Variants in SIPA1L3 observed in about 807,000 individuals in gnomAD.
The protein encoded by SIPA1L3 is signal induced proliferation associated 1 like 3.
Under a neutral mutation model 150.1 loss-of-function variants are expected in SIPA1L3, and 59 were observed. The observed-to-expected ratio is 0.39, with a 90% CI of 0.32 to 0.49. The LOEUF (loss-of-function observed/expected upper bound fraction) is 0.49, where lower values mean the gene tolerates loss of function less well. SIPA1L3 is among the 20% of genes least tolerant of loss of function. The pLI is 0.86. For synonymous variants in SIPA1L3, 1,070 were observed against 1,077.6 expected (o/e 0.99, Z 0.14); for missense variants, 2,211 against 2,489.5 (o/e 0.89, Z 2.38).
intron 12 of SIPA1L3, among the ~76,000 whole-genome samples, chr19:38,145,846 A>G (rs1971693215): frequency 6.7e-6 from 1 of 148,596 alleles, no homozygotes; most frequent in Admixed American, 6.7e-5. Context: ...ACCATTCACC[A>G]TTCATCTGTT....
rs140271652 is a variant in SIPA1L3, at chr19:37,988,547, G to A, written c.-378-40542G>A. Among the ~76,000 whole-genome samples, 823 of 152,116 alleles carry A rather than the reference G, an allele frequency of 5.4e-3. 2 individuals are homozygous for A. The highest frequency in any genetic ancestry group is 9.2e-3 in the Admixed American group (141 of 15,272). On this transcript the variant is annotated intron_variant, in intron 1 of 21. Coordinates refer to ENST00000222345, the MANE Select transcript of SIPA1L3 (RefSeq NM_015073.3). ...AGAAATGAGCCAGACATGGTGGTGG[G>A]CACCTGTAATCCTAGCTACTCGGGA... is the stretch of plus-strand genomic sequence containing the variant.
intron 1 of SIPA1L3, among the ~76,000 whole-genome samples, chr19:37,984,167 G>A (rs1399362954): frequency 6.6e-6 from 1 of 152,182 alleles, no homozygotes; most frequent in Non-Finnish European, 1.5e-5. Context: ...GCGGGGCAGC[G>A]AGGCGGTTAA....
At chr19:38,130,288 C>T (rs1410001970) in intron 9 of SIPA1L3, among the ~76,000 whole-genome samples, 2 of 152,198 alleles carry the variant, frequency 1.3e-5, no homozygotes, top group Non-Finnish European at 2.9e-5. Flanking sequence ...GCCACGGGGT[C>T]GCATATCCAC....
chr19:37,963,725 A>G (rs2046879463), intron 1 of SIPA1L3: 1 of 152,218 alleles, frequency 6.6e-6, no homozygotes, highest in Admixed American at 6.5e-5. Flanking sequence ...AATTCTGTCT[A>G]CTTTCATTGT....
chr19:38,063,545 C>T (rs928742472), intron 2 of SIPA1L3, among the ~76,000 whole-genome samples: 1 of 152,242 alleles, frequency 6.6e-6, no homozygotes, highest in Non-Finnish European at 1.5e-5. Flanking sequence ...CAGATGCGGT[C>T]TTAGCAGGTT....
rs1349248661 is a variant in SIPA1L3, at chr19:38,082,223, G to C, written c.658G>C (p.Asp220His). 1 of 1,602,334 alleles carries C rather than the reference G, an allele frequency of 6.2e-7. No homozygotes were observed. The highest frequency in any genetic ancestry group is 1.7e-5 in the Admixed American group (1 of 60,020). The change falls in exon 3 of 22, where the codon GAC becomes CAC. Residue 220 changes from aspartate (D) to histidine (H), a missense_variant. Coordinates refer to ENST00000222345, the MANE Select transcript of SIPA1L3 (RefSeq NM_015073.3). ...GGGCATGCCCGAGCAGAGCTTCTTC[G>C]ACATCCTGAACGAGTTCCGCAGCGA... ...VQGMPEQSFF[D>H]ILNEFRSEQP...
At chr19:38,020,414 G>T (rs1483801677) in intron 1 of SIPA1L3, among the ~76,000 whole-genome samples, 1 of 152,140 alleles carries the variant, frequency 6.6e-6, no homozygotes, top group Non-Finnish European at 1.5e-5. Flanking sequence ...CTGATTAGCT[G>T]GGGTCTGGAG....
At chr19:38,041,461 T>C (rs1219256055) in intron 2 of SIPA1L3, among the ~76,000 whole-genome samples, 1 of 151,842 alleles carries the variant, frequency 6.6e-6, no homozygotes, top group Non-Finnish European at 1.5e-5. Flanking sequence ...GTATTTTTAG[T>C]AGAGATGTGG....
chr19:37,937,388 C>G (rs2046609822), intron 1 of SIPA1L3, among the ~76,000 whole-genome samples: 1 of 152,014 alleles, frequency 6.6e-6, no homozygotes, highest in Non-Finnish European at 1.5e-5. Flanking sequence ...CAGAAGTGAC[C>G]ACCATCTTGA....
At chr19:37,997,615 TC>T (rs1967671191) in intron 1 of SIPA1L3, among the ~76,000 whole-genome samples, 1 of 130,884 alleles carries the variant, frequency 7.6e-6, no homozygotes, top group South Asian at 2.5e-4. Flanking sequence ...ATGCCTGTAA[TC>T]CCAGCACTTC....
At chr19:38,031,881 C>T (rs1270853354) in intron 2 of SIPA1L3, among the ~76,000 whole-genome samples, 5 of 152,236 alleles carry the variant, frequency 3.3e-5, no homozygotes, top group Admixed American at 6.5e-5. Context: ...GCCCAGGATG[C>T]GGAGATTGCA....
chr19:38,050,168 A>C (rs1391160182), intron 2 of SIPA1L3, among the ~76,000 whole-genome samples: 2 of 152,258 alleles, frequency 1.3e-5, no homozygotes, highest in Non-Finnish European at 2.9e-5. Context: ...CATTTAAGAC[A>C]GTGCTGGCTG....
At chr19:38,074,188 G>T (rs1969785354) in intron 2 of SIPA1L3, among the ~76,000 whole-genome samples, 1 of 152,200 alleles carries the variant, frequency 6.6e-6, no homozygotes, top group South Asian at 2.1e-4. Context: ...GTGCCACTCA[G>T]CCTCTGAATG....
chr19:38,163,505 A>C (rs552255900), intron 14 of SIPA1L3, among the ~76,000 whole-genome samples: 117 of 151,704 alleles, frequency 7.7e-4, no homozygotes, highest in African/African-American at 2.6e-3. Context: ...AAAAAAAAAA[A>C]AAAAAACAGT....
chr19:38,085,324 C>T (rs2145831286), intron 3 of SIPA1L3, among the ~76,000 whole-genome samples: 1 of 151,722 alleles, frequency 6.6e-6, no homozygotes, highest in East Asian at 2.0e-4. Context: ...ACTAAAAATA[C>T]AAAAAATTAG....
At chr19:38,155,537 T>C (rs998315133) in intron 13 of SIPA1L3, among the ~76,000 whole-genome samples, 1 of 152,172 alleles carries the variant, frequency 6.6e-6, no homozygotes, top group African/African-American at 2.4e-5. Context: ...TGTAGCCCCT[T>C]TGAAGTCTGA....
At chr19:38,008,088 T>A (rs900499151) in intron 1 of SIPA1L3, among the ~76,000 whole-genome samples, 21 of 152,130 alleles carry the variant, frequency 1.4e-4, no homozygotes. Context: ...GTTATCCTCC[T>A]ATTGCAGATG....
intron 19 of SIPA1L3, among the ~76,000 whole-genome samples, chr19:38,199,608 G>GGT (rs1175897258): frequency 6.6e-6 from 1 of 152,128 alleles, no homozygotes; most frequent in Non-Finnish European, 1.5e-5. Context: ...AAGGTTACGG[G>GGT]GGAGAGGGGG....
chr19:38,164,670 C>T lies in SIPA1L3; in HGVS notation c.3972C>T (p.Ser1324=), dbSNP rs143589666. 14 of 1,614,036 alleles carry T rather than the reference C, an allele frequency of 8.7e-6. No homozygotes were observed. Among genetic ancestry groups the T allele is most frequent in the Non-Finnish European group, 1.2e-5 (14 of 1,180,018 alleles). The change falls in exon 15 of 22, where the codon TCC becomes TCT. Residue 1324 remains serine (S), a synonymous_variant. Transcript: ENST00000222345. The surrounding 1 kb of genome is among the most constrained non-coding windows in gnomAD (Gnocchi z 4.1). The stretch of plus-strand genomic sequence containing the variant: ...ACACCTCCAGCCCTAGCTGCATGTC[C>T]CTGGCCAAGGCTCCACGGCCCGCCA... ...TLYTSSPSCM[S]LAKAPRPAKP...
Sources: allele counts gnomAD v4.1 joint callset (sites outside exome capture counted in the v4.1 genomes callset), GRCh38; gene constraint gnomAD v4.1.1; non-coding constraint Gnocchi (gnomAD v3.1); transcripts MANE v1.5; gene names NCBI Gene and HGNC (gene_info 2026-07-23, HGNC 2026-07-21).